ADCK2: variants seen among roughly 807,000 people sequenced by gnomAD.
The protein encoded by ADCK2 is uncharacterized aarF domain-containing protein kinase 2.
ADCK2 carries 37 observed loss-of-function variants against 52.3 expected under a neutral mutation model. That is an observed-to-expected ratio of 0.71 (90% CI 0.54 to 0.93). The LOEUF (loss-of-function observed/expected upper bound fraction) is 0.93. ADCK2 is among the 40% of genes least tolerant of loss of function. The probability of loss-of-function intolerance (pLI) is 0.00; values close to 1 mark genes in which losing one functional copy is unlikely to be tolerated. For missense variants in ADCK2, 695 were observed against 798.7 expected (o/e 0.87, Z 1.56); for synonymous variants, 321 against 349.2 (o/e 0.92, Z 0.90).
Position 140,676,195 on chromosome 7 carries a change from A to C in ADCK2, c.1080+1438A>C, listed in dbSNP as rs183687746. ...CCCCACTTTCTGGTTCATAATTGGC[A>C]CCTTCTGTGTCATCACATGGTAGAA... is the stretch of plus-strand genomic sequence containing the variant. On this transcript the variant is annotated intron_variant, in intron 2 of 7. Coordinates refer to ENST00000072869, the MANE Select transcript of ADCK2 (RefSeq NM_052853.4). 2.9e-4 allele frequency among the ~76,000 whole-genome samples: 44 copies of C among 152,196 alleles called. No individual in the cohort carries two copies. In the East Asian group the frequency reaches 7.9e-3, roughly 27 times the overall value.
chr7:140,675,434 C>T (rs977828640), intron 2 of ADCK2, among the ~76,000 whole-genome samples: 6 of 152,154 alleles, frequency 3.9e-5, no homozygotes, highest in Admixed American at 6.6e-5. Flanking sequence ...ACTAAGCCAC[C>T]GTACGGTCAA....
rs565003547 is a variant in ADCK2, at chr7:140,686,106, T to C, written c.1306-884T>C. ...CGGAGGGAAAGTCTGATTTATGAGC[T>C]GTTTTTAAAGAAATGCAGTTCTATG... is the stretch of plus-strand genomic sequence containing the variant. On this transcript the variant is annotated intron_variant, in intron 4 of 7. Coordinates refer to ENST00000072869, the MANE Select transcript of ADCK2 (RefSeq NM_052853.4). Among the ~76,000 whole-genome samples, 142 of 152,320 alleles carry C rather than the reference T, an allele frequency of 9.3e-4. 1 individual carries two copies. The highest frequency in any genetic ancestry group is 3.2e-3 in the African/African-American group (131 of 41,570).
At chr7:140,683,027 G>A (rs921481380) in intron 4 of ADCK2, among the ~76,000 whole-genome samples, 1 of 148,214 alleles carries the variant, frequency 6.7e-6, no homozygotes, top group Non-Finnish European at 1.5e-5. Flanking sequence ...AAAAAGCCAG[G>A]CGCAGTGGCT....
At chr7:140,676,616 G>A (rs1422896081) in intron 2 of ADCK2, among the ~76,000 whole-genome samples, 2 of 152,168 alleles carry the variant, frequency 1.3e-5, no homozygotes, top group Non-Finnish European at 2.9e-5. Context: ...GCCTGTGTCC[G>A]TCTCTCAGTA....
rs140971515 is a variant in ADCK2, at chr7:140,673,454, C to T, written c.124C>T (p.Leu42Phe). The change falls in exon 1 of 8, where the codon CTT becomes TTT. Residue 42 changes from leucine (L) to phenylalanine (F), a missense_variant. Leu to Phe is a conservative substitution (Grantham distance 22, BLOSUM62 0). Coordinates refer to ENST00000072869, the MANE Select transcript of ADCK2 (RefSeq NM_052853.4). This position sits in a 1 kb window ranked among gnomAD's most constrained non-coding sequence, Gnocchi z 6.4. ...CCCTCGCGATGCCAGGCTCTGCTGG[C>T]TTCTGCTGGGCACTTTGCCCAAGGT... is the stretch of plus-strand genomic sequence containing the variant. The part of the protein sequence containing the change: ...ECPRDARLCW[L>F]LLGTLPKVVS... 5.3e-3 allele frequency: 8,602 copies of T among 1,608,808 alleles called. 34 individuals carry two copies. Among genetic ancestry groups the T allele is most frequent in the Non-Finnish European group, 6.5e-3 (7,638 of 1,178,140 alleles).
Position 140,680,724 on chromosome 7 carries a change from G to T in ADCK2, c.1210-318G>T, listed in dbSNP as rs1245064279. ...TTTGTTTTGTTTTGTTTGAGACAGA[G>T]TCTCTGTCACTCAGGCTAGAGTGCA... On this transcript the variant is annotated intron_variant, in intron 3 of 7. Coordinates refer to ENST00000072869, the MANE Select transcript of ADCK2 (RefSeq NM_052853.4). 3.9e-5 allele frequency among the ~76,000 whole-genome samples: 6 copies of T among 152,122 alleles called. No homozygotes were observed. The East Asian group carries it at 1.2e-3, about 29-fold the overall frequency.
chr7:140,685,478 G>A (rs1794590277), intron 4 of ADCK2, among the ~76,000 whole-genome samples: 2 of 151,788 alleles, frequency 1.3e-5, no homozygotes, highest in African/African-American at 2.4e-5. Flanking sequence ...GTATACCAGG[G>A]CCAAGATTAG....
Position 140,694,787 on chromosome 7 carries a change from C to T in ADCK2, c.1865C>T (p.Pro622Leu), listed in dbSNP as rs1046515. The change falls in exon 8 of 8, where the codon CCA becomes CTA. Residue 622 changes from proline to leucine, a missense_variant. Physicochemically the swap from Pro to Leu is moderately conservative, Grantham distance 98 (BLOSUM62 -3). Transcript: ENST00000072869. ...EAARPFLLTG[P>L]VCPP ...GCGAGGCCCTTCCTCCTCACGGGCC[C>T]AGTGTGCCCCCCGTGATGGGGCAGT... 0.085 allele frequency: 136,875 copies of T among 1,613,182 alleles called. 7,260 individuals carry two copies. The highest frequency in any genetic ancestry group is 0.2 in the South Asian group (17,996 of 90,862).
Position 140,673,747 on chromosome 7 carries a change from G to A in ADCK2, c.417G>A (p.Glu139=). 1 of 1,613,100 alleles carries A rather than the reference G, an allele frequency of 6.2e-7. No homozygotes were observed. Among genetic ancestry groups the A allele is most frequent in the African/African-American group, 1.3e-5 (1 of 74,966 alleles). The change falls in exon 1 of 8, where the codon GAG becomes GAA. Residue 139 remains glutamate (E), a synonymous_variant. Coordinates refer to ENST00000072869, the MANE Select transcript of ADCK2 (RefSeq NM_052853.4). The surrounding 1 kb of genome is among the most constrained non-coding windows in gnomAD (Gnocchi z 6.4). ...TCCACCTGCTTCTGAAAGCCACCGA[G>A]ACCTCAGGCCCAACCTACATCAAAC... The part of the protein sequence containing the change: ...LWLHLLLKAT[E]TSGPTYIKLG...
Position 140,674,635 on chromosome 7 carries a change from C to T in ADCK2, c.958C>T (p.Gln320Ter). 3.1e-6 allele frequency: 5 copies of T among 1,613,920 alleles called. No individual in the cohort carries two copies. Among genetic ancestry groups the T allele is most frequent in the African/African-American group, 1.3e-5 (1 of 75,036 alleles). The change falls in exon 2 of 8, where the codon CAG becomes TAG. Residue 320 changes from glutamine to a stop codon, truncating the protein, a stop_gained. Transcript: ENST00000072869. LOFTEE classifies it high-confidence loss of function. The surrounding 1 kb of genome is among the most constrained non-coding windows in gnomAD (Gnocchi z 4.6). The part of the protein sequence containing the change: ...VKVLHPGLLA[Q>*]VHMDLLLMKI... Reference sequence around the variant, plus strand: ...GGTGTTGCACCCTGGCCTGCTCGCTCAGGTGCATATGGACCTGCTGCTGAT... The same window carrying T: ...GGTGTTGCACCCTGGCCTGCTCGCTTAGGTGCATATGGACCTGCTGCTGAT...
At position 140,678,436 on chromosome 7, in the gene ADCK2, G is replaced by A. The variant is rs568416803; in HGVS notation, c.1081-719G>A. 9.2e-5 allele frequency among the ~76,000 whole-genome samples: 14 copies of A among 152,236 alleles called. No homozygotes were observed. The South Asian group carries it at 1.5e-3, about 16-fold the overall frequency. On this transcript the variant is annotated intron_variant, in intron 2 of 7. Transcript: ENST00000072869. This position sits in a 1 kb window ranked among gnomAD's most constrained non-coding sequence, Gnocchi z 4.9. ...TCAAGGTGCTGTCAGAGGAGGCGCC[G>A]GCTGAGGGCTTGGTGGCTGTCAAGG...
At chr7:140,686,851 G>T in intron 4 of ADCK2, 139 bp from the exon 5 acceptor site, 1 of 1,087,800 alleles carries the variant, frequency 9.2e-7, no homozygotes, top group Non-Finnish European at 1.3e-6. Context: ...ATCTAAACAA[G>T]AAGGGTCTAT....
intron 7 of ADCK2, among the ~76,000 whole-genome samples, chr7:140,692,050 A>C (rs1794717399): frequency 6.6e-6 from 1 of 152,178 alleles, no homozygotes; most frequent in Admixed American, 6.5e-5. Context: ...AAACATTTAC[A>C]AATTTTTCAT....
chr7:140,694,180 A>T (rs570243176), intron 7 of ADCK2, among the ~76,000 whole-genome samples: 1 of 152,242 alleles, frequency 6.6e-6, no homozygotes, highest in East Asian at 1.9e-4. Flanking sequence ...CAGTCTCAGG[A>T]GGCTGAGGCA....
chr7:140,691,018 T>C (rs1042594128), intron 7 of ADCK2, among the ~76,000 whole-genome samples: 1 of 152,026 alleles, frequency 6.6e-6, no homozygotes, highest in Non-Finnish European at 1.5e-5. Flanking sequence ...CTCTGCTTCC[T>C]GGCTTCCAGT....
Position 140,693,491 on chromosome 7 carries a change from G to T in ADCK2, c.1741-1172G>T, listed in dbSNP as rs943206356. ...CTGTCCACTTAAAAAGCAGATTCCTGTTCTTCTAGGTTTACATCTGGCTCT... is the reference window on the plus strand; with the variant it reads ...CTGTCCACTTAAAAAGCAGATTCCTTTTCTTCTAGGTTTACATCTGGCTCT... On this transcript the variant is annotated intron_variant, in intron 7 of 7. Coordinates refer to ENST00000072869, the MANE Select transcript of ADCK2 (RefSeq NM_052853.4). This position sits in a 1 kb window ranked among gnomAD's most constrained non-coding sequence, Gnocchi z 4.0. Among the ~76,000 whole-genome samples, 3 of 152,182 alleles carry T rather than the reference G, an allele frequency of 2.0e-5. No homozygotes were observed. Among genetic ancestry groups the T allele is most frequent in the Non-Finnish European group, 4.4e-5 (3 of 68,032 alleles).
At chr7:140,683,816 A>C (rs1794559658) in intron 4 of ADCK2, among the ~76,000 whole-genome samples, 1 of 152,174 alleles carries the variant, frequency 6.6e-6, no homozygotes, top group African/African-American at 2.4e-5. Context: ...CCCAGAGTGC[A>C]GGGACAGCCG....
At chr7:140,682,180 T>C (rs1292505870) in intron 4 of ADCK2, among the ~76,000 whole-genome samples, 1 of 152,198 alleles carries the variant, frequency 6.6e-6, no homozygotes. Flanking sequence ...CTTGGGAAGA[T>C]AGGTGACGAC....
At chr7:140,694,525 A>C in intron 7 of ADCK2, 138 bp from the exon 8 acceptor site, 2 of 794,064 alleles carry the variant, frequency 2.5e-6, no homozygotes, top group East Asian at 2.6e-5. Flanking sequence ...GCGGTAGAGA[A>C]GAGAATGTCA....
Sources: allele counts gnomAD v4.1 joint callset (sites outside exome capture counted in the v4.1 genomes callset), GRCh38; gene constraint gnomAD v4.1.1; non-coding constraint Gnocchi (gnomAD v3.1); transcripts MANE v1.5; gene names NCBI Gene and HGNC (gene_info 2026-07-23, HGNC 2026-07-21).